SPOPL: variants seen among roughly 807,000 people sequenced by gnomAD.
The protein encoded by SPOPL is speckle type BTB/POZ protein like.
A neutral mutation model predicts 53.8 loss-of-function variants in SPOPL; 23 were observed. That is an observed-to-expected ratio of 0.43 (90% CI 0.31 to 0.61). The LOEUF (loss-of-function observed/expected upper bound fraction) is 0.61, where lower values mean the gene tolerates loss of function less well. SPOPL is among the 20% of genes least tolerant of loss of function. The probability of loss-of-function intolerance (pLI) is 0.12; values close to 1 mark genes in which losing one functional copy is unlikely to be tolerated. For missense variants in SPOPL, 442 were observed against 466.9 expected (o/e 0.95, Z 0.49); for synonymous variants, 164 against 149.7 (o/e 1.10, Z -0.70).
At chr2:138,564,473 C>A in intron 8 of SPOPL, 3 of 448,042 alleles carry the variant, frequency 6.7e-6, no homozygotes, top group South Asian at 4.0e-5. Flanking sequence ...TAGAATAAAT[C>A]CTACTTCAAA....
chr2:138,523,390 G>T (rs1684599631), intron 1 of SPOPL, among the ~76,000 whole-genome samples: 1 of 152,124 alleles, frequency 6.6e-6, no homozygotes, highest in Non-Finnish European at 1.5e-5. Context: ...GATGAGATTT[G>T]TGTGAGGACA....
intron 1 of SPOPL, among the ~76,000 whole-genome samples, chr2:138,539,705 G>T (rs1685023949): frequency 6.6e-6 from 1 of 152,110 alleles, no homozygotes; most frequent in African/African-American, 2.4e-5. Context: ...TAGGTTGCCT[G>T]TTCACTCTGA....
chr2:138,567,505 G>A (rs1021087964), intron 10 of SPOPL, among the ~76,000 whole-genome samples: 8 of 150,722 alleles, frequency 5.3e-5, no homozygotes, highest in East Asian at 2.0e-4. Flanking sequence ...GAAAGGCCAT[G>A]TAAAATAACA....
chr2:138,568,548 A>C (rs1465456490), intron 10 of SPOPL, among the ~76,000 whole-genome samples: 8 of 152,152 alleles, frequency 5.3e-5, no homozygotes, highest in Admixed American at 5.2e-4. Context: ...AGTGGATGAG[A>C]TAGAATTAGT....
chr2:138,554,426 C>T (rs1162669083), intron 5 of SPOPL: 1 of 1,218,664 alleles, frequency 8.2e-7, no homozygotes, highest in Admixed American at 2.5e-5. Context: ...CACGGATGCC[C>T]TTCCTTCTAC....
intron 10 of SPOPL, among the ~76,000 whole-genome samples, chr2:138,566,788 GAGAT>G (rs1685668764): frequency 6.6e-6 from 1 of 152,136 alleles, no homozygotes; most frequent in Non-Finnish European, 1.5e-5. Context: ...TTATCTAATA[GAGAT>G]AGATATATAA....
chr2:138,531,493 T>G (rs1448039148), intron 1 of SPOPL, among the ~76,000 whole-genome samples: 2 of 152,198 alleles, frequency 1.3e-5, no homozygotes, highest in African/African-American at 4.8e-5. Flanking sequence ...TGGAAAATTC[T>G]TACTTACCTC....
At chr2:138,555,032 G>A (rs1685390976) in intron 5 of SPOPL, among the ~76,000 whole-genome samples, 1 of 151,968 alleles carries the variant, frequency 6.6e-6, no homozygotes, top group Non-Finnish European at 1.5e-5. Flanking sequence ...CATCTGGTGA[G>A]GTCCTTTTTC....
chr2:138,541,350 T>C (rs1685067622), intron 1 of SPOPL, among the ~76,000 whole-genome samples: 1 of 152,196 alleles, frequency 6.6e-6, no homozygotes, highest in South Asian at 2.1e-4. Flanking sequence ...CTGGTAGAAT[T>C]CAGCTGTGAA....
intron 1 of SPOPL, among the ~76,000 whole-genome samples, chr2:138,523,724 T>TA (rs1684607687): frequency 6.6e-6 from 1 of 152,160 alleles, no homozygotes; most frequent in African/African-American, 2.4e-5. Flanking sequence ...AGTCAAATCT[T>TA]AAAGCTTCAA....
At chr2:138,558,106 A>T (rs1412999033) in intron 5 of SPOPL, among the ~76,000 whole-genome samples, 1 of 152,194 alleles carries the variant, frequency 6.6e-6, no homozygotes, top group Non-Finnish European at 1.5e-5. Flanking sequence ...GGTTGCAGTG[A>T]GCCGAGATCA....
chr2:138,532,286 C>G (rs1684825965), intron 1 of SPOPL, among the ~76,000 whole-genome samples: 1 of 152,166 alleles, frequency 6.6e-6, no homozygotes, highest in Admixed American at 6.5e-5. Context: ...CTGATAGTTT[C>G]ACCCCATGGC....
rs146359187 is a variant in SPOPL at position 138,511,461 on chromosome 2, C to T, written c.-61+9342C>T. Among the ~76,000 whole-genome samples, 8 of 152,186 alleles carry T rather than the reference C, an allele frequency of 5.3e-5. 1 individual carries two copies. Among genetic ancestry groups the T allele is most frequent in the African/African-American group, 1.9e-4 (8 of 41,520 alleles). On this transcript the variant is annotated intron_variant, in intron 1 of 10. Coordinates refer to ENST00000280098, the MANE Select transcript of SPOPL (RefSeq NM_001001664.3). The stretch of plus-strand genomic sequence containing the variant: ...TATTTTATTAAAAGAGAAGAAGTAC[C>T]CTTTGTAAAGCACTTGTGTCAGACA...
intron 1 of SPOPL, among the ~76,000 whole-genome samples, chr2:138,512,112 G>A (rs1467571064): frequency 3.3e-5 from 5 of 152,132 alleles, no homozygotes; most frequent in Non-Finnish European, 7.4e-5. Flanking sequence ...GCTTAAAAGG[G>A]AGAGGAAAAG....
chr2:138,545,214 C>T (rs1471153816), intron 1 of SPOPL, among the ~76,000 whole-genome samples: 1 of 152,062 alleles, frequency 6.6e-6, no homozygotes, highest in East Asian at 1.9e-4. Context: ...AGAATAAGGT[C>T]CATCTTGCTC....
rs753384840 is a variant in SPOPL at position 138,560,795 on chromosome 2, T to C, written c.715-10T>C. ...TTTTTTAACATTTTTGTGTTGTTTT[T>C]CGATATCAGAATCGAGTGGAAATAA... On this transcript the variant is annotated splice_polypyrimidine_tract_variant and intron_variant, in intron 7 of 10. Coordinates refer to ENST00000280098, the MANE Select transcript of SPOPL (RefSeq NM_001001664.3). 1.9e-6 allele frequency: 3 copies of C among 1,572,796 alleles called. No individual in the cohort carries two copies. Among genetic ancestry groups the C allele is most frequent in the South Asian group, 1.2e-5 (1 of 83,588 alleles).
At chr2:138,531,349 A>T (rs1223148022) in intron 1 of SPOPL, among the ~76,000 whole-genome samples, 2 of 152,106 alleles carry the variant, frequency 1.3e-5, no homozygotes, top group African/African-American at 2.4e-5. Context: ...CTAAAACCTT[A>T]GAATACCTTT....
chr2:138,554,267 CATCA>C (rs576298123), intron 5 of SPOPL, among the ~76,000 whole-genome samples: 1 of 152,010 alleles, frequency 6.6e-6, no homozygotes, highest in Non-Finnish European at 1.5e-5. Flanking sequence ...TTAAAGTTGG[CATCA>C]ATCAGATTCA....
At chr2:138,531,757 T>A (rs1182021964) in intron 1 of SPOPL, among the ~76,000 whole-genome samples, 1 of 151,406 alleles carries the variant, frequency 6.6e-6, no homozygotes, top group African/African-American at 2.4e-5. Flanking sequence ...CTTTTAAAAT[T>A]AAATTATTGG....
Sources: gnomAD v4.1 joint callset for allele counts (sites outside exome capture counted in the v4.1 genomes callset) on GRCh38, gnomAD v4.1.1 for gene constraint, MANE v1.5 for transcripts, NCBI Gene and HGNC (gene_info 2026-07-23, HGNC 2026-07-21) for gene names.